The following GSE1 variants were observed in gnomAD, a reference collection of about 807,000 sequenced individuals.
The protein encoded by GSE1 is Gse1 coiled-coil protein, also known as genetic suppressor element 1.
GSE1 carries 32 observed loss-of-function variants against 112.6 expected under a neutral mutation model. The ratio of observed to expected loss-of-function variants is 0.28; its 90% CI spans 0.21 to 0.38. The LOEUF is 0.38. GSE1 is among the 10% of genes least tolerant of loss of function. GSE1 has a pLI of 1.00. For synonymous variants in GSE1, 1,115 were observed against 735.6 expected (o/e 1.52, Z -8.35); for missense variants, 2,348 against 1,699.2 (o/e 1.38, Z -6.71).
At chr16:85,420,174 G>T (rs1485863458) in intron 2 of GSE1, among the ~76,000 whole-genome samples, 1 of 152,130 alleles carries the variant, frequency 6.6e-6, no homozygotes, top group Admixed American at 6.5e-5. Flanking sequence ...ACTGCTTGAA[G>T]CCAGGAGTTC....
upstream of GSE1, among the ~76,000 whole-genome samples, chr16:85,607,588 C>A (rs1199271153): frequency 6.6e-6 from 1 of 152,178 alleles, no homozygotes; most frequent in South Asian, 2.1e-4. Flanking sequence ...GTTAGCCGGG[C>A]CTTAACCCTT....
At chr16:85,292,809 C>T (rs1308345493) in intron 1 of GSE1, among the ~76,000 whole-genome samples, 3 of 152,214 alleles carry the variant, frequency 2.0e-5, no homozygotes, top group East Asian at 1.9e-4. Flanking sequence ...CACACATTCA[C>T]GACAGTGCAC....
intron 1 of GSE1, among the ~76,000 whole-genome samples, chr16:85,178,915 A>T (rs967065276): frequency 9.9e-5 from 15 of 151,688 alleles, no homozygotes; most frequent in African/African-American, 3.4e-4. Context: ...TGTCCATTGT[A>T]GCAGCGGGCG....
At chr16:85,255,505 G>A (rs546119651) in intron 1 of GSE1, among the ~76,000 whole-genome samples, 8 of 151,122 alleles carry the variant, frequency 5.3e-5, no homozygotes, top group East Asian at 2.0e-4. Context: ...TTTGCCTCCC[G>A]GGTTCAAGTG....
intron 1 of GSE1, among the ~76,000 whole-genome samples, chr16:85,178,980 G>C (rs370749086): frequency 2.6e-5 from 4 of 152,232 alleles, no homozygotes; most frequent in African/African-American, 9.6e-5. Flanking sequence ...AAAGCATGGT[G>C]GTTTTTGTTG....
intron 1 of GSE1, among the ~76,000 whole-genome samples, chr16:85,187,424 C>T (rs1024585954): frequency 6.6e-6 from 1 of 152,248 alleles, no homozygotes; most frequent in African/African-American, 2.4e-5. Flanking sequence ...GAGCCCTGCT[C>T]TGGGGGAAGA....
In GSE1 at chr16:85,253,829, G is replaced by A. The variant is rs11865914; in HGVS notation, c.2283+82022G>A. Among the ~76,000 whole-genome samples the A allele has an allele frequency of 8.0e-3, 1,222 of 152,132 alleles. 22 individuals carry two copies. Among genetic ancestry groups the A allele is most frequent in the African/African-American group, 0.028 (1,141 of 41,456 alleles). On this transcript the variant is annotated intron_variant, in intron 1 of 2. Transcript: ENST00000637419. ...GCTCTTGGCAGTGAGAACTGTGTGT[G>A]CAAAGGCCAGGAGGTGGGACAGGCT...
At chr16:85,395,717 G>A (rs1370317119) in intron 2 of GSE1, among the ~76,000 whole-genome samples, 2 of 152,046 alleles carry the variant, frequency 1.3e-5, no homozygotes, top group Admixed American at 1.3e-4. Context: ...GCCCTCCCCT[G>A]CCCACGCTCT....
chr16:85,334,077 C>T (rs2046432340), intron 1 of GSE1, among the ~76,000 whole-genome samples: 1 of 152,262 alleles, frequency 6.6e-6, no homozygotes, highest in Non-Finnish European at 1.5e-5. Context: ...CCCTCTCCAG[C>T]CACTCCCCTG....
intron 2 of GSE1, among the ~76,000 whole-genome samples, chr16:85,548,618 G>A (rs995280842): frequency 6.6e-6 from 1 of 152,160 alleles, no homozygotes; most frequent in Non-Finnish European, 1.5e-5. Flanking sequence ...TTGCGTGTAG[G>A]TACCACATTC....
chr16:85,339,171 C>G (rs1458644013), intron 1 of GSE1, among the ~76,000 whole-genome samples: 1 of 152,206 alleles, frequency 6.6e-6, no homozygotes, highest in Non-Finnish European at 1.5e-5. Context: ...AGGCCAGTAG[C>G]CAGGCCCGTA....
intron 1 of GSE1, among the ~76,000 whole-genome samples, chr16:85,204,296 A>G (rs747436221): frequency 1.3e-5 from 2 of 152,142 alleles, no homozygotes; most frequent in East Asian, 1.9e-4. Flanking sequence ...CATTCTTCCT[A>G]TGGCCGGATA....
At chr16:85,546,331 C>T (rs1402435763) in intron 2 of GSE1, among the ~76,000 whole-genome samples, 3 of 152,190 alleles carry the variant, frequency 2.0e-5, no homozygotes, top group Non-Finnish European at 4.4e-5. Context: ...GTGATCCACC[C>T]GCCTCAGCCT....
intron 2 of GSE1, among the ~76,000 whole-genome samples, chr16:85,519,339 C>T (rs1302927317): frequency 1.5e-5 from 2 of 134,524 alleles, no homozygotes; most frequent in Non-Finnish European, 1.6e-5. Context: ...ATCACTTTTA[C>T]CACCATCACT....
At chr16:85,435,958 G>C (rs2049237701) in intron 2 of GSE1, among the ~76,000 whole-genome samples, 1 of 152,168 alleles carries the variant, frequency 6.6e-6, no homozygotes, top group Non-Finnish European at 1.5e-5. Context: ...CACCCCAGAA[G>C]GCAGGTGGGG....
intron 2 of GSE1, among the ~76,000 whole-genome samples, chr16:85,500,511 C>T (rs371718240): frequency 2.0e-5 from 3 of 152,228 alleles, no homozygotes; most frequent in South Asian, 2.1e-4. Flanking sequence ...CCCTGGGTCC[C>T]CGATCTCCAT....
chr16:85,639,882 G>A (rs1040194348), intron 2 of GSE1, among the ~76,000 whole-genome samples: 5 of 152,216 alleles, frequency 3.3e-5, no homozygotes, highest in African/African-American at 1.2e-4. Flanking sequence ...CAAGGCGGCC[G>A]GGGGCGGAGG....
intron 2 of GSE1, among the ~76,000 whole-genome samples, chr16:85,547,706 C>A (rs1294186811): frequency 6.6e-6 from 1 of 151,214 alleles, no homozygotes; most frequent in African/African-American, 2.4e-5. Context: ...CATGGTGAAA[C>A]CCTGTCTCTA....
chr16:85,385,699 C>G (rs1265679425), intron 2 of GSE1, among the ~76,000 whole-genome samples: 1 of 152,236 alleles, frequency 6.6e-6, no homozygotes, highest in Admixed American at 6.5e-5. Context: ...GTTTTCGCCT[C>G]CCCGCTCTCG....
Sources: gnomAD v4.1 joint callset for allele counts (sites outside exome capture counted in the v4.1 genomes callset) on GRCh38, gnomAD v4.1.1 for gene constraint, MANE v1.5 for transcripts, NCBI Gene and HGNC (gene_info 2026-07-23, HGNC 2026-07-21) for gene names.